PPM1H: variants seen among roughly 807,000 people sequenced by gnomAD.
The protein encoded by PPM1H is protein phosphatase 1H.
PPM1H carries 27 observed loss-of-function variants against 54.9 expected under a neutral mutation model. The ratio of observed to expected loss-of-function variants is 0.49; its 90% CI spans 0.36 to 0.68. The LOEUF (loss-of-function observed/expected upper bound fraction) is 0.68, where lower values mean the gene tolerates loss of function less well. PPM1H is among the 30% of genes least tolerant of loss of function. The probability of loss-of-function intolerance (pLI) is 0.00; values close to 1 mark genes in which losing one functional copy is unlikely to be tolerated. For missense variants in PPM1H, 596 were observed against 667.8 expected, an observed-to-expected ratio of 0.89 and a Z score of 1.19; for synonymous variants, 305 against 270.8, an observed-to-expected ratio of 1.13 and a Z score of -1.24.
At chr12:62,855,475 T>C in intron 1 of PPM1H, among the ~76,000 whole-genome samples, 1 of 151,890 alleles carries the variant, frequency 6.6e-6, no homozygotes, top group East Asian at 1.9e-4. Flanking sequence ...AGCCCAAGAG[T>C]CACAACAGAT....
intron 1 of PPM1H, among the ~76,000 whole-genome samples, chr12:62,865,725 G>A (rs1342105178): frequency 6.6e-6 from 1 of 152,024 alleles, no homozygotes; most frequent in African/African-American, 2.4e-5. Context: ...CTCGAACCCT[G>A]GGATCAAATG....
intron 1 of PPM1H, among the ~76,000 whole-genome samples, chr12:62,931,889 T>A (rs1422996688): frequency 2.0e-5 from 3 of 152,350 alleles, no homozygotes; most frequent in Admixed American, 6.5e-5. Context: ...TTATGAATAC[T>A]GTTAATGACA....
At chr12:62,802,240 G>A (rs1014083294) in intron 2 of PPM1H, 80 bp from the exon 3 acceptor site, 5 of 1,132,218 alleles carry the variant, frequency 4.4e-6, no homozygotes, top group Admixed American at 3.2e-5. Flanking sequence ...GGACATCTAT[G>A]GGACTGAGGG....
At chr12:62,871,554 G>A in intron 1 of PPM1H, among the ~76,000 whole-genome samples, 1 of 130,016 alleles carries the variant, frequency 7.7e-6, no homozygotes, top group East Asian at 2.2e-4. Context: ...TCACTCTGTT[G>A]TCCATGCTGG....
In PPM1H at chr12:62,705,520, AT is replaced by A. The variant is rs148284716; in HGVS notation, c.1074-11522del. 6.7e-3 allele frequency among the ~76,000 whole-genome samples: 1,016 copies of A among 152,336 alleles called. 8 individuals are homozygous for A. The highest frequency in any genetic ancestry group is 0.023 in the African/African-American group (968 of 41,576). On this transcript the variant is annotated intron_variant, in intron 6 of 9. Coordinates refer to ENST00000228705, the MANE Select transcript of PPM1H (RefSeq NM_020700.2). ...AGGATGCACTTGGAAAAAAATCAGTATTTTTAAAAAAAGTAATCATGTGTAT... is the reference window on the plus strand; with the variant it reads ...AGGATGCACTTGGAAAAAAATCAGTATTTTAAAAAAAGTAATCATGTGTAT...
intron 6 of PPM1H, among the ~76,000 whole-genome samples, chr12:62,701,635 C>G (rs1447403828): frequency 1.3e-5 from 2 of 152,056 alleles, no homozygotes; most frequent in East Asian, 1.9e-4. Context: ...CTGACATCGT[C>G]GATCACTCTG....
chr12:62,799,809 C>CA (rs2076756162), intron 3 of PPM1H, among the ~76,000 whole-genome samples: 1 of 152,082 alleles, frequency 6.6e-6, no homozygotes, highest in Admixed American at 6.6e-5. Flanking sequence ...AATACAGTGA[C>CA]AAAAAAGCAC....
intron 4 of PPM1H, among the ~76,000 whole-genome samples, chr12:62,768,026 C>A (rs1366455882): frequency 6.6e-6 from 1 of 152,164 alleles, no homozygotes; most frequent in East Asian, 1.9e-4. Flanking sequence ...AAGTAAGGTC[C>A]CTTTCACAGG....
chr12:62,848,627 T>C lies in PPM1H; in HGVS notation c.246-16348A>G, dbSNP rs892427572. On this transcript the variant is annotated intron_variant, in intron 1 of 9. Coordinates refer to ENST00000228705, the MANE Select transcript of PPM1H (RefSeq NM_020700.2). The stretch of plus-strand genomic sequence containing the variant: ...AAGCTCCCAAGTGGTGGTGACACTT[T>C]GGGTTTACTGATGATGACTGAGTTG... Among the ~76,000 whole-genome samples, 7 of 152,328 alleles carry C rather than the reference T, an allele frequency of 4.6e-5. No homozygotes were observed. In the South Asian group the frequency reaches 1.2e-3, roughly 27 times the overall value.
intron 8 of PPM1H, among the ~76,000 whole-genome samples, chr12:62,685,433 C>T (rs1458843964): frequency 6.6e-6 from 1 of 152,184 alleles, no homozygotes. Context: ...CTTCTCTCCC[C>T]TACAGAACCT....
chr12:62,910,389 C>T (rs1207792866), intron 1 of PPM1H, among the ~76,000 whole-genome samples: 1 of 152,014 alleles, frequency 6.6e-6, no homozygotes, highest in Non-Finnish European at 1.5e-5. Context: ...TTATCAGTCC[C>T]TCAAAAGAAC....
intron 6 of PPM1H, among the ~76,000 whole-genome samples, chr12:62,710,847 A>G (rs1592556675): frequency 6.6e-6 from 1 of 152,276 alleles, no homozygotes; most frequent in African/African-American, 2.4e-5. Context: ...AGACCTCCTG[A>G]GGCCAGCAGC....
chr12:62,924,777 C>G (rs1871920530), intron 1 of PPM1H, among the ~76,000 whole-genome samples: 1 of 152,228 alleles, frequency 6.6e-6, no homozygotes, highest in Non-Finnish European at 1.5e-5. Context: ...TGTGGTGGCT[C>G]ACGCCTGCAC....
intron 2 of PPM1H, among the ~76,000 whole-genome samples, chr12:62,829,337 G>A (rs1309982526): frequency 2.0e-5 from 3 of 152,156 alleles, no homozygotes; most frequent in Non-Finnish European, 4.4e-5. Context: ...ATAGAATGGT[G>A]GGCACCAAGG....
chr12:62,873,454 G>T (rs1870056987), intron 1 of PPM1H, among the ~76,000 whole-genome samples: 1 of 152,190 alleles, frequency 6.6e-6, no homozygotes, highest in Non-Finnish European at 1.5e-5. Context: ...GCAGTCCCGA[G>T]AATGTTCACC....
At chr12:62,879,639 C>A (rs971668980) in intron 1 of PPM1H, among the ~76,000 whole-genome samples, 1 of 151,888 alleles carries the variant, frequency 6.6e-6, no homozygotes, top group Admixed American at 6.6e-5. Flanking sequence ...GGAGGGATAG[C>A]GTTAGGAGAA....
intron 4 of PPM1H, among the ~76,000 whole-genome samples, chr12:62,771,874 A>T (rs975971666): frequency 3.9e-5 from 6 of 152,170 alleles, no homozygotes; most frequent in Non-Finnish European, 8.8e-5. Context: ...TTTTGTCTTC[A>T]TTATTAACTA....
chr12:62,727,943 G>A (rs932328567), intron 5 of PPM1H, among the ~76,000 whole-genome samples: 13 of 151,960 alleles, frequency 8.6e-5, no homozygotes, highest in Non-Finnish European at 1.3e-4. Flanking sequence ...TTACAGGCAT[G>A]AGCCACCACG....
chr12:62,719,235 T>A (rs2076251164), intron 6 of PPM1H, among the ~76,000 whole-genome samples: 1 of 152,208 alleles, frequency 6.6e-6, no homozygotes, highest in Non-Finnish European at 1.5e-5. Context: ...GTCATCACCA[T>A]GGGAATTTGG....
Sources: gnomAD v4.1 joint callset for allele counts (sites outside exome capture counted in the v4.1 genomes callset) on GRCh38, gnomAD v4.1.1 for gene constraint, MANE v1.5 for transcripts, NCBI Gene and HGNC (gene_info 2026-07-23, HGNC 2026-07-21) for gene names.